The following COG6 variants were observed in gnomAD, a reference collection of about 807,000 sequenced individuals.
The protein encoded by COG6 is conserved oligomeric Golgi complex subunit 6.
Under a neutral mutation model 88.8 loss-of-function variants are expected in COG6, and 74 were observed. That is an observed-to-expected ratio of 0.83 (90% CI 0.69 to 1.01). COG6 has a LOEUF of 1.01. COG6 is among the 50% of genes least tolerant of loss of function. The pLI is 0.00. For missense variants in COG6, 800 were observed against 797.9 expected, an observed-to-expected ratio of 1.00 and a Z score of -0.03; for synonymous variants, 286 against 278.7, an observed-to-expected ratio of 1.03 and a Z score of -0.26.
chr13:39,790,881 C>CT (rs1881919906), exon 19 of COG6: 1 of 151,858 alleles, frequency 6.6e-6, no homozygotes, highest in South Asian at 2.1e-4. Context: ...TTTTCTCAGT[C>CT]TTTTTTCTGA....
At chr13:39,717,970 T>C (rs1878621768) in intron 13 of COG6, among the ~76,000 whole-genome samples, 1 of 152,222 alleles carries the variant, frequency 6.6e-6, no homozygotes, top group Non-Finnish European at 1.5e-5. Flanking sequence ...TGTCTCTTTA[T>C]TGATATTCTT....
rs1453074997 is a variant in COG6, at chr13:39,724,707, C to A, written c.1746+146C>A. The A allele has an allele frequency of 1.2e-5, 8 of 683,718 alleles. No individual in the cohort carries two copies. In the Admixed American group the frequency reaches 1.7e-4, roughly 15 times the overall value. The allele number at this position is 683,718 out of a possible 1,614,324, so 42.4% of individuals were successfully genotyped here. On this transcript the variant is annotated intron_variant, in intron 17 of 18. Coordinates refer to ENST00000455146, the MANE Select transcript of COG6 (RefSeq NM_020751.3). ...GTTGGGTCCAATAATAATGACTGAG[C>A]CTGTATTACTTTAATTGAACAGTTC...
chr13:39,775,168 G>C (rs182851488), intron 18 of COG6, among the ~76,000 whole-genome samples: 1 of 152,096 alleles, frequency 6.6e-6, no homozygotes, highest in Non-Finnish European at 1.5e-5. Context: ...GTTCCATTTC[G>C]TTTGTCATCT....
At chr13:39,769,539 G>T (rs1322683131) in intron 18 of COG6, among the ~76,000 whole-genome samples, 1 of 152,196 alleles carries the variant, frequency 6.6e-6, no homozygotes. Flanking sequence ...AATAATCTGT[G>T]CAAAGCCAGG....
At chr13:39,683,142 C>T (rs556798039) in intron 8 of COG6, among the ~76,000 whole-genome samples, 1 of 152,250 alleles carries the variant, frequency 6.6e-6, no homozygotes, top group African/African-American at 2.4e-5. Context: ...ATGTGTTAAG[C>T]ACCATTTTAA....
chr13:39,656,904 C>T (rs1236521183), intron 1 of COG6: 6 of 455,818 alleles, frequency 1.3e-5, no homozygotes, highest in Non-Finnish European at 4.4e-6. Flanking sequence ...AAGTCCTTTG[C>T]AAAGAGCCTG....
chr13:39,686,686 CTT>C (rs1343884014), intron 8 of COG6, among the ~76,000 whole-genome samples: 2 of 152,044 alleles, frequency 1.3e-5, no homozygotes, highest in African/African-American at 2.4e-5. Flanking sequence ...GTAAAGAAGA[CTT>C]TTTTAATGTA....
In COG6 at chr13:39,743,785, G is replaced by A. The variant is rs200673757; in HGVS notation, c.1827-7161G>A. On this transcript the variant is annotated intron_variant, in intron 18 of 18. Coordinates refer to ENST00000455146, the MANE Select transcript of COG6 (RefSeq NM_020751.3). ...AGCATCATCCTGATACCAAAGCCTG[G>A]CAGAGACACAACAAAAAAAGAGAAT... Among the ~76,000 whole-genome samples, 7 of 152,142 alleles carry A rather than the reference G, an allele frequency of 4.6e-5. No individual in the cohort carries two copies. In the East Asian group the frequency reaches 1.4e-3, roughly 29 times the overall value.
At chr13:39,661,033 G>A in intron 3 of COG6, 152 bp downstream of exon 3, 2 of 640,136 alleles carry the variant, frequency 3.1e-6, no homozygotes, top group Non-Finnish European at 5.5e-6. Flanking sequence ...AGCTATCTTT[G>A]TGTTTCTTTG....
chr13:39,766,678 T>C (rs540144927), intron 18 of COG6, among the ~76,000 whole-genome samples: 45 of 152,312 alleles, frequency 3.0e-4, no homozygotes, highest in African/African-American at 1.1e-3. Context: ...GATTTTCTAA[T>C]TCTTTCTGTG....
chr13:39,678,048 T>C, intron 5 of COG6: 1 of 450,046 alleles, frequency 2.2e-6, no homozygotes, highest in Non-Finnish European at 4.4e-6. Context: ...CATAGTACAG[T>C]TAGACCACAT....
At chr13:39,700,899 T>C (rs777864277) in intron 13 of COG6, among the ~76,000 whole-genome samples, 19 of 151,792 alleles carry the variant, frequency 1.3e-4, no homozygotes, top group Non-Finnish European at 2.2e-4. Flanking sequence ...AGGCTTTAGA[T>C]AGGTGAGGAA....
At chr13:39,687,179 A>C (rs1876697634) in intron 8 of COG6, among the ~76,000 whole-genome samples, 1 of 152,138 alleles carries the variant, frequency 6.6e-6, no homozygotes, top group African/African-American at 2.4e-5. Context: ...TAAAAAGTTA[A>C]GTCTTCCCAC....
chr13:39,751,110 T>C lies in COG6; in HGVS notation c.*17T>C, dbSNP rs776035863. On this transcript the variant is annotated 3_prime_UTR_variant, in exon 19 of 19. Coordinates refer to ENST00000455146, the MANE Select transcript of COG6 (RefSeq NM_020751.3). ...CTTTCCTGATTATCTTATTTCATTG[T>C]GTTAGCAAAATATGACCTCCCTAAA... The C allele has an allele frequency of 6.2e-7, 1 of 1,613,160 alleles. No individual in the cohort carries two copies. Among genetic ancestry groups the C allele is most frequent in the Non-Finnish European group, 8.5e-7 (1 of 1,179,444 alleles).
intron 18 of COG6, among the ~76,000 whole-genome samples, chr13:39,783,611 T>C (rs1881693011): frequency 6.6e-6 from 1 of 152,204 alleles, no homozygotes; most frequent in South Asian, 2.1e-4. Context: ...AAAAGGACAA[T>C]ACTTCCCAGA....
chr13:39,683,351 A>G (rs1279605273), intron 8 of COG6, among the ~76,000 whole-genome samples: 1 of 152,130 alleles, frequency 6.6e-6, no homozygotes, highest in Admixed American at 6.5e-5. Flanking sequence ...ATTAGGTATA[A>G]AGTGAGTTCT....
chr13:39,743,456 T>A (rs552857512), intron 18 of COG6, among the ~76,000 whole-genome samples: 1 of 152,208 alleles, frequency 6.6e-6, no homozygotes, highest in South Asian at 2.1e-4. Context: ...CAAACTACCA[T>A]CAGAGAATAC....
At chr13:39,785,728 G>C (rs1255218563) in intron 18 of COG6, among the ~76,000 whole-genome samples, 1 of 152,172 alleles carries the variant, frequency 6.6e-6, no homozygotes, top group Non-Finnish European at 1.5e-5. Context: ...ATTCAGAAGA[G>C]ACCTCAGCTG....
At chr13:39,689,666 A>G (rs1354458772) in intron 10 of COG6, 94 bp from the exon 11 acceptor site, 14 of 747,526 alleles carry the variant, frequency 1.9e-5, no homozygotes, top group Non-Finnish European at 3.2e-5. Flanking sequence ...GCCATTAATT[A>G]TATGTATTAT....
Sources: allele counts gnomAD v4.1 joint callset (sites outside exome capture counted in the v4.1 genomes callset), GRCh38; gene constraint gnomAD v4.1.1; transcripts MANE v1.5; gene names NCBI Gene and HGNC (gene_info 2026-07-23, HGNC 2026-07-21).